The following ESYT2 variants were observed in gnomAD, a reference collection of about 807,000 sequenced individuals.
The protein encoded by ESYT2 is extended synaptotagmin 2.
A neutral mutation model predicts 107.2 loss-of-function variants in ESYT2; 54 were observed. That is an observed-to-expected ratio of 0.50 (90% CI 0.40 to 0.63). The LOEUF is 0.63. Ranked by LOEUF, ESYT2 falls within the 30% of genes least tolerant of loss-of-function variation. The pLI, the probability that ESYT2 is intolerant of heterozygous loss-of-function variation, is 0.00. For missense variants in ESYT2, 1,020 were observed against 1,094.5 expected, an observed-to-expected ratio of 0.93 and a Z score of 0.96; for synonymous variants, 491 against 434.1, an observed-to-expected ratio of 1.13 and a Z score of -1.63.
At chr7:158,769,177 G>A (rs1351726829) in intron 7 of ESYT2, among the ~76,000 whole-genome samples, 4 of 152,140 alleles carry the variant, frequency 2.6e-5, no homozygotes, top group African/African-American at 7.2e-5. Flanking sequence ...GCACCTCAAG[G>A]ACTTTTCAGT....
intron 1 of ESYT2, among the ~76,000 whole-genome samples, chr7:158,799,654 C>T (rs182823941): frequency 2.6e-5 from 4 of 152,252 alleles, no homozygotes; most frequent in Admixed American, 2.6e-4. Flanking sequence ...AAAATATAAA[C>T]TAAAATAAAA....
chr7:158,781,350 A>T (rs1196572658), intron 6 of ESYT2, among the ~76,000 whole-genome samples: 1 of 151,572 alleles, frequency 6.6e-6, no homozygotes, highest in Non-Finnish European at 1.5e-5. Context: ...AGTGTGAGGT[A>T]TGTGTAAGAA....
chr7:158,757,775 G>GT (rs891182185), intron 13 of ESYT2, among the ~76,000 whole-genome samples: 66 of 143,222 alleles, frequency 4.6e-4, no homozygotes, highest in Middle Eastern at 3.5e-3. Context: ...TTTGTTTTTT[G>GT]TTTTTTTTGC....
chr7:158,740,028 C>G, intron 18 of ESYT2, among the ~76,000 whole-genome samples: 1 of 152,228 alleles, frequency 6.6e-6, no homozygotes, highest in East Asian at 1.9e-4. Context: ...GCCTCGAGAG[C>G]AGCAGTGTTA....
intron 1 of ESYT2, among the ~76,000 whole-genome samples, chr7:158,800,205 C>T (rs187252801): frequency 7.9e-5 from 12 of 151,908 alleles, no homozygotes; most frequent in Admixed American, 2.6e-4. Context: ...CCTACCACCA[C>T]GCCTGGCTAA....
At chr7:158,748,840 C>T (rs1194704904) in intron 15 of ESYT2, among the ~76,000 whole-genome samples, 1 of 151,882 alleles carries the variant, frequency 6.6e-6, no homozygotes, top group Non-Finnish European at 1.5e-5. Flanking sequence ...CTGCTGCAGC[C>T]TCCCAAGTAG....
At chr7:158,751,157 T>G (rs1437451294) in intron 14 of ESYT2, among the ~76,000 whole-genome samples, 1 of 152,218 alleles carries the variant, frequency 6.6e-6, no homozygotes, top group Non-Finnish European at 1.5e-5. Context: ...TGGGGGAGGT[T>G]GGCAGTAGTG....
chr7:158,743,554 G>T lies in ESYT2; in HGVS notation c.1769C>A (p.Thr590Asn), dbSNP rs767278525. The T allele has an allele frequency of 1.2e-6, 2 of 1,612,622 alleles. No individual in the cohort carries two copies. The highest frequency in any genetic ancestry group is 2.2e-5 in the South Asian group (2 of 90,870). The change falls in exon 17 of 23, where the codon ACC becomes AAC. Residue 590 changes from threonine to asparagine, a missense_variant. By Grantham distance (65) the Thr-to-Asn change is moderately conservative. Transcript: ENST00000275418. The stretch of plus-strand genomic sequence containing the variant: ...CCGCAGGGCAATCTTCATCTTGATG[G>T]TGCTGTTTGGACCCGAGTTACTGAG... ...FQLSNSGPNS[T>N]IKMKIALRVL...
chr7:158,738,330 C>T (rs552018302), intron 19 of ESYT2, among the ~76,000 whole-genome samples: 1 of 55,070 alleles, frequency 1.8e-5, no homozygotes, highest in African/African-American at 7.7e-5. Context: ...AAAAAAAATA[C>T]ACACACACAC....
intron 1 of ESYT2, among the ~76,000 whole-genome samples, chr7:158,810,159 C>A (rs1253231632): frequency 6.6e-6 from 1 of 152,090 alleles, no homozygotes; most frequent in Non-Finnish European, 1.5e-5. Context: ...ACCATATGAC[C>A]CACTCTACCC....
At chr7:158,810,239 G>A (rs1429830701) in intron 1 of ESYT2, among the ~76,000 whole-genome samples, 3 of 152,204 alleles carry the variant, frequency 2.0e-5, no homozygotes, top group Admixed American at 2.0e-4. Context: ...GCTCACAGCA[G>A]CATGATTTAT....
intron 1 of ESYT2, among the ~76,000 whole-genome samples, chr7:158,824,354 C>T (rs762151354): frequency 1.3e-5 from 2 of 152,196 alleles, no homozygotes; most frequent in African/African-American, 2.4e-5. Context: ...TTAGCTATGC[C>T]AACTATTTTC....
chr7:158,782,639 T>C (rs896973278), intron 6 of ESYT2, among the ~76,000 whole-genome samples: 1 of 50,580 alleles, frequency 2.0e-5, no homozygotes, highest in Non-Finnish European at 6.9e-5. Context: ...AGTGGGTATG[T>C]GAGAACAAAG....
intron 1 of ESYT2, among the ~76,000 whole-genome samples, chr7:158,806,131 G>GGCGCCGGGGCACACC (rs1173698993): frequency 6.9e-6 from 1 of 144,232 alleles, no homozygotes; most frequent in African/African-American, 2.9e-5. Flanking sequence ...CCGCGTGGGA[G>GGCGCCGGGGCACACC]GTGCCGGGGC....
intron 1 of ESYT2, among the ~76,000 whole-genome samples, chr7:158,813,115 A>G (rs1840035632): frequency 6.6e-6 from 1 of 152,240 alleles, no homozygotes; most frequent in South Asian, 2.1e-4. Context: ...TGAGCTATCA[A>G]GCAATGAAAA....
At chr7:158,755,542 C>G (rs1374859788) in intron 13 of ESYT2, among the ~76,000 whole-genome samples, 2 of 152,146 alleles carry the variant, frequency 1.3e-5, no homozygotes, top group Non-Finnish European at 2.9e-5. Flanking sequence ...GGGGAGCTAT[C>G]TAGTCAGATT....
At chr7:158,781,093 G>A (rs970844092) in intron 6 of ESYT2, among the ~76,000 whole-genome samples, 12 of 152,206 alleles carry the variant, frequency 7.9e-5, no homozygotes, top group Non-Finnish European at 1.8e-4. Flanking sequence ...ACAAATGTGA[G>A]ACACAACATG....
At chr7:158,752,915 G>T (rs1837629011) in intron 13 of ESYT2, 72 bp from the exon 14 acceptor site, 2 of 1,038,348 alleles carry the variant, frequency 1.9e-6, no homozygotes, top group Non-Finnish European at 2.6e-6. Flanking sequence ...TAAGGTTAAA[G>T]ACATGAAAAT....
At chr7:158,816,743 C>T (rs1227485012) in intron 1 of ESYT2, among the ~76,000 whole-genome samples, 1 of 152,210 alleles carries the variant, frequency 6.6e-6, no homozygotes. Context: ...TAAAACTTTG[C>T]TTCACACACA....
Sources: allele counts gnomAD v4.1 joint callset (sites outside exome capture counted in the v4.1 genomes callset), GRCh38; gene constraint gnomAD v4.1.1; transcripts MANE v1.5; gene names NCBI Gene and HGNC (gene_info 2026-07-23, HGNC 2026-07-21).